The following AMOTL1 variants were observed in gnomAD, a reference collection of about 807,000 sequenced individuals.
AMOTL1 encodes angiomotin like 1.
A neutral mutation model predicts 102.9 loss-of-function variants in AMOTL1; 45 were observed. The ratio of observed to expected loss-of-function variants is 0.44; its 90% confidence interval spans 0.34 to 0.56. AMOTL1 has a LOEUF of 0.56. Among genes scored for constraint, AMOTL1 ranks in the 20% least tolerant of loss-of-function variants. The pLI is 0.01. For synonymous variants in AMOTL1, 481 were observed against 484.7 expected, an observed-to-expected ratio of 0.99 and a Z score of 0.10; for missense variants, 1,114 against 1,225.6, an observed-to-expected ratio of 0.91 and a Z score of 1.36.
In AMOTL1 at chr11:94,844,411, T is replaced by G. The variant is rs190580084; in HGVS notation, c.1649-5703T>G. ...TTAAGGATCAAACCTTGATTCCAGC[T>G]GAAAAAGGAAAAGAATACTGTCTTA... On this transcript the variant is annotated intron_variant, in intron 6 of 12. Transcript: ENST00000433060. Among the ~76,000 whole-genome samples the G allele has an allele frequency of 4.7e-3, 714 of 152,300 alleles. 9 individuals carry two copies. The highest frequency in any genetic ancestry group is 4.2e-3 in the Non-Finnish European group (288 of 68,018).
chr11:94,728,548 GT>G (rs1200624268), intron 1 of AMOTL1, among the ~76,000 whole-genome samples: 1 of 152,068 alleles, frequency 6.6e-6, no homozygotes, highest in Admixed American at 6.6e-5. Context: ...ATTAGTTCAA[GT>G]TTTTTTAGTC....
chr11:94,715,681 G>T (rs1035985723), intron 1 of AMOTL1, among the ~76,000 whole-genome samples: 11 of 152,022 alleles, frequency 7.2e-5, no homozygotes, highest in Non-Finnish European at 1.2e-4. Flanking sequence ...ATTGTGTCAG[G>T]TCCTTCTGGC....
At chr11:94,729,194 C>A in intron 2 of AMOTL1, 1 of 511,808 alleles carries the variant, frequency 2.0e-6, no homozygotes, top group Non-Finnish European at 3.1e-6. Flanking sequence ...AGGGAATGGA[C>A]TTTGAAGTCA....
rs1414236749 is a variant in AMOTL1, at chr11:94,814,808, G to A, written c.1122-6722G>A. Among the ~76,000 whole-genome samples the A allele has an allele frequency of 5.9e-5, 9 of 152,216 alleles. No individual in the cohort carries two copies. The South Asian group carries it at 6.2e-4, about 11-fold the overall frequency. On this transcript the variant is annotated intron_variant, in intron 3 of 12. Coordinates refer to ENST00000433060, the MANE Select transcript of AMOTL1 (RefSeq NM_130847.3). ...AGCTTACTAGACATCCTGTATCTCCGTTTCATGGGACTATAATGCCACTTA... is the reference window on the plus strand; with the variant it reads ...AGCTTACTAGACATCCTGTATCTCCATTTCATGGGACTATAATGCCACTTA...
rs760828820 is a variant in AMOTL1, at chr11:94,743,651, CTTTT to C, written c.136+2685_136+2688del. Among the ~76,000 whole-genome samples, 179 of 98,142 alleles carry C rather than the reference CTTTT, an allele frequency of 1.8e-3. 1 individual carries two copies. Among genetic ancestry groups the C allele is most frequent in the African/African-American group, 8.1e-3 (170 of 21,084 alleles). The allele number at this position is 98,142 out of a possible 152,430, so 64.4% of individuals were successfully genotyped here. A position where few individuals can be genotyped will look rare whatever the true frequency, so the allele number is the denominator to read the frequency against. On this transcript the variant is annotated intron_variant, in intron 3 of 4. Transcript: ENST00000299004. ...AATTATTTCTCTACTCACAATACTT[CTTTT>C]TTTTTTTTTTTTTTTTTTTTTGTGA...
At chr11:94,851,384 A>T (rs915372050) in intron 7 of AMOTL1, among the ~76,000 whole-genome samples, 2 of 152,236 alleles carry the variant, frequency 1.3e-5, no homozygotes, top group Non-Finnish European at 2.9e-5. Context: ...AAGACAAGTT[A>T]TAACAACCAA....
At chr11:94,868,983 C>A (rs962963684) in intron 11 of AMOTL1, among the ~76,000 whole-genome samples, 3 of 150,336 alleles carry the variant, frequency 2.0e-5, no homozygotes, top group African/African-American at 2.4e-5. Context: ...AAAAAACCTA[C>A]AATTTTTTAG....
At chr11:94,847,769 AG>A (rs1357473627) in intron 6 of AMOTL1, among the ~76,000 whole-genome samples, 1 of 99,692 alleles carries the variant, frequency 1.0e-5, no homozygotes, top group East Asian at 3.4e-4. Flanking sequence ...GGGGTGTTGG[AG>A]GGGGTGGGGT....
chr11:94,751,393 C>T lies in AMOTL1; in HGVS notation c.136+10405C>T, dbSNP rs116839042. Among the ~76,000 whole-genome samples, 235 of 152,066 alleles carry T rather than the reference C, an allele frequency of 1.5e-3. 1 individual carries two copies. Among genetic ancestry groups the T allele is most frequent in the African/African-American group, 5.0e-3 (207 of 41,460 alleles). Reference sequence around the variant, plus strand: ...GTATTGCAGCAGAGTCCCTGGGACACGAAATCTCCCCTGGTTTCCCAATAG... The same window carrying T: ...GTATTGCAGCAGAGTCCCTGGGACATGAAATCTCCCCTGGTTTCCCAATAG... On this transcript the variant is annotated intron_variant, in intron 3 of 4. Transcript: ENST00000299004.
At chr11:94,844,525 G>A (rs955466725) in intron 6 of AMOTL1, among the ~76,000 whole-genome samples, 1 of 152,222 alleles carries the variant, frequency 6.6e-6, no homozygotes, top group African/African-American at 2.4e-5. Flanking sequence ...CGGGAGGCTG[G>A]GAAGTCCAAG....
intron 8 of AMOTL1, among the ~76,000 whole-genome samples, chr11:94,859,026 A>C (rs1358367765): frequency 6.6e-6 from 1 of 152,116 alleles, no homozygotes; most frequent in African/African-American, 2.4e-5. Context: ...GCAGCTAGGG[A>C]GGATGCAATT....
intron 4 of AMOTL1, among the ~76,000 whole-genome samples, chr11:94,822,911 G>T (rs1357646249): frequency 6.6e-6 from 1 of 152,202 alleles, no homozygotes; most frequent in Non-Finnish European, 1.5e-5. Context: ...GGAGGCATGT[G>T]TAGTAGTAGC....
intron 1 of AMOTL1, among the ~76,000 whole-genome samples, chr11:94,792,307 C>T (rs1040891104): frequency 1.3e-5 from 2 of 152,136 alleles, no homozygotes; most frequent in African/African-American, 4.8e-5. Context: ...ACATCACACA[C>T]CGGGGCCTGA....
intron 6 of AMOTL1, among the ~76,000 whole-genome samples, chr11:94,831,881 G>C (rs1952078772): frequency 6.6e-6 from 1 of 152,180 alleles, no homozygotes; most frequent in Non-Finnish European, 1.5e-5. Flanking sequence ...ATGGAAGGCA[G>C]CCTAGTGGTG....
chr11:94,866,580 A>T (rs621647), intron 11 of AMOTL1: 1 of 194,440 alleles, frequency 5.1e-6, no homozygotes, highest in African/African-American at 2.5e-5. Flanking sequence ...CCCCATGGGG[A>T]GTGGGAGGGA....
At chr11:94,748,437 A>G (rs1383657829) in intron 3 of AMOTL1, among the ~76,000 whole-genome samples, 6 of 152,196 alleles carry the variant, frequency 3.9e-5, no homozygotes, top group Non-Finnish European at 8.8e-5. Context: ...AGTTCCAGGA[A>G]GACTGGGAAA....
chr11:94,718,649 A>T (rs1950131365), intron 1 of AMOTL1, among the ~76,000 whole-genome samples: 1 of 151,618 alleles, frequency 6.6e-6, no homozygotes, highest in Non-Finnish European at 1.5e-5. Context: ...GATTGTTTTG[A>T]CTCTTTGAGT....
intron 3 of AMOTL1, among the ~76,000 whole-genome samples, chr11:94,749,005 A>G (rs1347509829): frequency 6.6e-6 from 1 of 152,170 alleles, no homozygotes; most frequent in Non-Finnish European, 1.5e-5. Flanking sequence ...TTCTCCAGAG[A>G]GACAGAACAA....
chr11:94,726,506 G>T (rs1316573679), intron 1 of AMOTL1, among the ~76,000 whole-genome samples: 2 of 152,160 alleles, frequency 1.3e-5, no homozygotes, highest in African/African-American at 4.8e-5. Context: ...GTAAGTTTTT[G>T]ATGGTCTTTC....
Sources: allele counts gnomAD v4.1 joint callset (sites outside exome capture counted in the v4.1 genomes callset), GRCh38; gene constraint gnomAD v4.1.1; transcripts MANE v1.5; gene names NCBI Gene and HGNC (gene_info 2026-07-23, HGNC 2026-07-21).